GLT1D1: variants seen among roughly 807,000 people sequenced by gnomAD.
The protein encoded by GLT1D1 is glycosyltransferase 1 domain containing 1.
GLT1D1 carries 21 observed loss-of-function variants against 28.7 expected under a neutral mutation model. That is an observed-to-expected ratio of 0.73 (90% confidence interval 0.52 to 1.05). The LOEUF is 1.05. GLT1D1 is among the 50% of genes least tolerant of loss of function. GLT1D1 has a pLI of 0.00. For synonymous variants in GLT1D1, 147 were observed against 124.8 expected, an observed-to-expected ratio of 1.18 and a Z score of -1.19; for missense variants, 343 against 330.6, an observed-to-expected ratio of 1.04 and a Z score of -0.29.
rs772249804 is a variant in GLT1D1, at chr12:128,912,375, A to G, written c.375+13088A>G. On this transcript the variant is annotated intron_variant, in intron 4 of 7. Transcript: ENST00000281703. Reference sequence around the variant, plus strand: ...ATTTTATTTCTAAAAAGCAGTTGTCATGCACTGTCCAATGTACTTTTCTTT... The same window carrying G: ...ATTTTATTTCTAAAAAGCAGTTGTCGTGCACTGTCCAATGTACTTTTCTTT... The G allele has an allele frequency of 2.2e-5, 28 of 1,273,234 alleles. No individual in the cohort carries two copies. In the East Asian group the frequency reaches 3.3e-4, roughly 15 times the overall value. The allele number at this position is 1,273,234 out of a possible 1,614,324, so 78.9% of individuals were successfully genotyped here. A position where few individuals can be genotyped will look rare whatever the true frequency, so the allele number is the denominator to read the frequency against.
chr12:128,858,442 C>T (rs942206790), intron 1 of GLT1D1, among the ~76,000 whole-genome samples: 1 of 152,142 alleles, frequency 6.6e-6, no homozygotes, highest in African/African-American at 2.4e-5. Context: ...GAGGCCAAGG[C>T]AGGTGGATCA....
intron 4 of GLT1D1, among the ~76,000 whole-genome samples, chr12:128,933,714 G>A (rs10847720): frequency 0.17 from 26,115 of 152,018 alleles, 2,696 homozygotes; most frequent in Non-Finnish European, 0.24. Context: ...CCCTTCCCCT[G>A]ACCACCCAAC....
intron 7 of GLT1D1, among the ~76,000 whole-genome samples, chr12:128,966,526 C>A (rs1878474784): frequency 6.6e-6 from 1 of 152,216 alleles, no homozygotes; most frequent in African/African-American, 2.4e-5. Context: ...CCAACCTCCT[C>A]AGACTGTTAG....
Position 128,923,752 on chromosome 12 carries a change from C to A in GLT1D1, c.376-21574C>A, listed in dbSNP as rs532265480. ...GGTCAGGCTGGTCTCGAACTCCTGA[C>A]CTCAGGTGATCTGCCCTCCCGCCTC... On this transcript the variant is annotated intron_variant, in intron 4 of 7. Coordinates refer to ENST00000281703, the MANE Select transcript of GLT1D1 (RefSeq NM_144669.3). 7.8e-4 allele frequency among the ~76,000 whole-genome samples: 118 copies of A among 152,102 alleles called. 1 individual carries two copies. The South Asian group carries it at 9.3e-3, about 12-fold the overall frequency.
intron 7 of GLT1D1, among the ~76,000 whole-genome samples, chr12:128,974,882 C>T (rs539477558): frequency 6.6e-6 from 1 of 152,252 alleles, no homozygotes; most frequent in Admixed American, 6.5e-5. Flanking sequence ...ACTGGAGGCC[C>T]TTGGCCAGAG....
In GLT1D1 at chr12:128,960,051, C is replaced by T. The variant is rs557624838; in HGVS notation, c.639+2408C>T. ...TTAATGTCTGCAAATCATTATCGTG[C>T]CGCCGATGTATTCAGGTCATTTCTG... On this transcript the variant is annotated intron_variant, in intron 7 of 7. Coordinates refer to ENST00000281703, the MANE Select transcript of GLT1D1 (RefSeq NM_144669.3). Among the ~76,000 whole-genome samples the T allele has an allele frequency of 3.3e-5, 5 of 152,298 alleles. No homozygotes were observed. The East Asian group carries it at 9.7e-4, about 29-fold the overall frequency.
chr12:128,981,751 G>A (rs963165327), intron 7 of GLT1D1, among the ~76,000 whole-genome samples: 5 of 152,150 alleles, frequency 3.3e-5, no homozygotes, highest in African/African-American at 1.2e-4. Context: ...GTATGTGCCG[G>A]GCTTTGCTCA....
rs1248774618 is a variant in GLT1D1 at position 128,928,022 on chromosome 12, A to AAAC, written c.376-17302_376-17301insCAA. Among the ~76,000 whole-genome samples the AAAC allele has an allele frequency of 2.7e-5, 4 of 150,318 alleles. 1 individual carries two copies. The highest frequency in any genetic ancestry group is 6.6e-5 in the Admixed American group (1 of 15,126). On this transcript the variant is annotated intron_variant, in intron 4 of 7. Coordinates refer to ENST00000281703, the MANE Select transcript of GLT1D1 (RefSeq NM_144669.3). ...CTCAAAAAAAAAAAAAAAAAAAAAA[A>AAAC]AAACAAAAAAGAATAGAAAAAAAGA...
chr12:128,981,521 G>A (rs1274551887), intron 7 of GLT1D1, among the ~76,000 whole-genome samples: 1 of 152,156 alleles, frequency 6.6e-6, no homozygotes, highest in East Asian at 1.9e-4. Flanking sequence ...TTACTATGAA[G>A]TATAAACGTA....
At chr12:128,890,440 AT>A (rs2135832513) in intron 3 of GLT1D1, among the ~76,000 whole-genome samples, 1 of 152,352 alleles carries the variant, frequency 6.6e-6, no homozygotes, top group African/African-American at 2.4e-5. Context: ...GATTAAAAAA[AT>A]CACTCCCATT....
chr12:128,924,526 G>A (rs776604914), intron 4 of GLT1D1, among the ~76,000 whole-genome samples: 53 of 151,772 alleles, frequency 3.5e-4, no homozygotes, highest in Non-Finnish European at 5.7e-4. Context: ...CAGTGACCTT[G>A]GCTCACTGCA....
At chr12:128,919,994 C>T (rs613608) in intron 4 of GLT1D1, among the ~76,000 whole-genome samples, 587 of 21,550 alleles carry the variant, frequency 0.027, 50 homozygotes, top group African/African-American at 0.089. Context: ...TCTCTCTCCC[C>T]CTCCATCTCT....
chr12:128,872,186 C>T (rs868844687), intron 1 of GLT1D1, among the ~76,000 whole-genome samples: 5 of 151,686 alleles, frequency 3.3e-5, no homozygotes, highest in Admixed American at 6.6e-5. Context: ...ACTCCTGATC[C>T]GCCTACCTCG....
intron 7 of GLT1D1, among the ~76,000 whole-genome samples, chr12:128,972,609 T>C (rs1300563611): frequency 1.3e-5 from 2 of 152,224 alleles, no homozygotes; most frequent in Non-Finnish European, 2.9e-5. Flanking sequence ...TGTTGAATGC[T>C]TGCTCTGCAG....
intron 2 of GLT1D1, among the ~76,000 whole-genome samples, chr12:128,881,567 T>TATATATAA (rs1957060215): frequency 1.7e-5 from 1 of 57,644 alleles, no homozygotes; most frequent in Admixed American, 2.7e-4. Flanking sequence ...AAAAAATATA[T>TATATATAA]ATATATATAT....
Position 128,853,629 on chromosome 12 carries a change from G to T in GLT1D1, c.48G>T (p.Ala16=). ...TGCTGCGGCCACACACCGGCAACGCGGTCACGGCCCAGCGCGTTCGGTAGG... is the reference window on the plus strand; with the variant it reads ...TGCTGCGGCCACACACCGGCAACGCTGTCACGGCCCAGCGCGTTCGGTAGG... Residue 16 remains alanine, a synonymous_variant, in exon 1 of 8, where the codon GCG becomes GCT. Transcript: ENST00000281703. 8.5e-7 allele frequency: 1 copy of T among 1,179,300 alleles called. No individual in the cohort carries two copies. The highest frequency in any genetic ancestry group is 1.1e-6 in the Non-Finnish European group (1 of 943,194). The allele number at this position is 1,179,300 out of a possible 1,614,324, so 73.1% of individuals were successfully genotyped here.
chr12:128,866,237 T>C lies in GLT1D1; in HGVS notation c.69-9677T>C, dbSNP rs539018112. Among the ~76,000 whole-genome samples the C allele has an allele frequency of 2.0e-5, 3 of 151,806 alleles. No homozygotes were observed. The East Asian group carries it at 5.8e-4, about 29-fold the overall frequency. On this transcript the variant is annotated intron_variant, in intron 1 of 7. Coordinates refer to ENST00000281703, the MANE Select transcript of GLT1D1 (RefSeq NM_144669.3). ...GTGCCTGCCACCATGCGTGGCTAAT[T>C]TTTTATATTTTTTAGTAGCAACCTG...
At chr12:128,931,917 G>GCACGCGCACACA (rs1368012620) in intron 4 of GLT1D1, among the ~76,000 whole-genome samples, 93 of 141,104 alleles carry the variant, frequency 6.6e-4, no homozygotes, top group South Asian at 1.1e-3. Context: ...ACACACGCAC[G>GCACGCGCACACA]CACACACACA....
chr12:128,933,054 G>A (rs1168814631), intron 4 of GLT1D1, among the ~76,000 whole-genome samples: 2 of 152,220 alleles, frequency 1.3e-5, no homozygotes, highest in African/African-American at 4.8e-5. Flanking sequence ...TCAGTGCCTC[G>A]TGCTGCAGAT....
Sources: allele counts gnomAD v4.1 joint callset (sites outside exome capture counted in the v4.1 genomes callset), GRCh38; gene constraint gnomAD v4.1.1; transcripts MANE v1.5; gene names NCBI Gene and HGNC (gene_info 2026-07-23, HGNC 2026-07-21).